L3MBTL3: variants seen among roughly 807,000 people sequenced by gnomAD.
L3MBTL3 encodes the protein L3MBTL histone methyl-lysine binding protein 3.
L3MBTL3 carries 27 observed loss-of-function variants against 102.3 expected under a neutral mutation model. The observed-to-expected ratio is 0.26, with a 90% CI of 0.19 to 0.36. The LOEUF (loss-of-function observed/expected upper bound fraction) is 0.36. Among genes scored for constraint, L3MBTL3 ranks in the 10% least tolerant of loss-of-function variants. L3MBTL3 has a pLI of 1.00. For synonymous variants in L3MBTL3, 340 were observed against 320.9 expected (o/e 1.06, Z -0.64); for missense variants, 798 against 955.3 (o/e 0.84, Z 2.17).
Position 130,075,641 on chromosome 6 carries a change from T to C in L3MBTL3, c.1245-2917T>C, listed in dbSNP as rs538364096. Among the ~76,000 whole-genome samples the C allele has an allele frequency of 9.9e-5, 15 of 152,254 alleles. No homozygotes were observed. The South Asian group carries it at 2.9e-3, about 29-fold the overall frequency. On this transcript the variant is annotated intron_variant, in intron 13 of 22. Transcript: ENST00000361794. ...TTTAGTGCTGAAGGCAAATGGATTATTGCTTAAGAGGAAGTTGACTTCTAA... is the reference window on the plus strand; with the variant it reads ...TTTAGTGCTGAAGGCAAATGGATTACTGCTTAAGAGGAAGTTGACTTCTAA...
At chr6:130,114,314 A>G (rs1785529824) in intron 19 of L3MBTL3, among the ~76,000 whole-genome samples, 1 of 152,188 alleles carries the variant, frequency 6.6e-6, no homozygotes, top group Admixed American at 6.5e-5. Flanking sequence ...TTGGAACAAT[A>G]TTGTAACAGG....
intron 22 of L3MBTL3, 32 bp from the exon 23 acceptor site, chr6:130,139,578 C>G: frequency 1.2e-6 from 2 of 1,600,366 alleles, no homozygotes; most frequent in South Asian, 2.2e-5. Context: ...TCTTGTTAAT[C>G]CACATTCTGT....
At chr6:130,122,416 C>A (rs1473023530) in intron 20 of L3MBTL3, among the ~76,000 whole-genome samples, 1 of 152,212 alleles carries the variant, frequency 6.6e-6, no homozygotes, top group East Asian at 1.9e-4. Context: ...AATCTCTGCT[C>A]TGCCACCTGC....
At chr6:130,108,659 G>T (rs891852005) in intron 19 of L3MBTL3, among the ~76,000 whole-genome samples, 11 of 151,640 alleles carry the variant, frequency 7.3e-5, no homozygotes, top group East Asian at 3.9e-4. Context: ...TTTTGGTGGG[G>T]GGAGGATTTT....
intron 18 of L3MBTL3, among the ~76,000 whole-genome samples, chr6:130,098,434 G>C (rs959532356): frequency 6.6e-6 from 1 of 152,196 alleles, no homozygotes; most frequent in African/African-American, 2.4e-5. Context: ...GGCGCTCAGA[G>C]AGAAGCGTCA....
intron 18 of L3MBTL3, among the ~76,000 whole-genome samples, chr6:130,094,999 G>A (rs1258519431): frequency 6.6e-6 from 1 of 152,120 alleles, no homozygotes; most frequent in Non-Finnish European, 1.5e-5. Context: ...TTGAGGCCAG[G>A]AGTTCGAGAT....
At chr6:130,106,096 A>G (rs1252296605) in intron 19 of L3MBTL3, among the ~76,000 whole-genome samples, 1 of 152,180 alleles carries the variant, frequency 6.6e-6, no homozygotes, top group Non-Finnish European at 1.5e-5. Context: ...CCCATTGCAC[A>G]TATTTCATGT....
chr6:130,105,621 C>CAAA (rs35147208), intron 19 of L3MBTL3, among the ~76,000 whole-genome samples: 29,205 of 122,016 alleles, frequency 0.24, 4,615 homozygotes, highest in Non-Finnish European at 0.33. Flanking sequence ...GACCCTGTCT[C>CAAA]AAAAAAAAAA....
intron 22 of L3MBTL3, among the ~76,000 whole-genome samples, chr6:130,138,626 G>T (rs1354967672): frequency 4.6e-5 from 7 of 152,124 alleles, no homozygotes; most frequent in Admixed American, 3.9e-4. Context: ...TGGGAGTCAG[G>T]ACATCAATAT....
At chr6:130,120,774 C>A (rs1350655999) in intron 19 of L3MBTL3, 105 bp from the exon 20 acceptor site, 2 of 816,856 alleles carry the variant, frequency 2.4e-6, no homozygotes, top group Non-Finnish European at 4.2e-6. Flanking sequence ...ACTTTAGTAG[C>A]ATCCTTTGGT....
chr6:130,074,336 T>C (rs142215068), intron 13 of L3MBTL3, among the ~76,000 whole-genome samples: 1 of 152,294 alleles, frequency 6.6e-6, no homozygotes, highest in Non-Finnish European at 1.5e-5. Flanking sequence ...GAAAGGAAAA[T>C]AGCATATATT....
chr6:130,081,131 A>G (rs1237753842), intron 14 of L3MBTL3, among the ~76,000 whole-genome samples: 1 of 152,212 alleles, frequency 6.6e-6, no homozygotes, highest in Non-Finnish European at 1.5e-5. Context: ...TAAAATCTTC[A>G]TGCCTTTTAA....
intron 13 of L3MBTL3, among the ~76,000 whole-genome samples, chr6:130,077,353 G>A (rs948260526): frequency 3.9e-5 from 6 of 152,082 alleles, no homozygotes; most frequent in African/African-American, 1.4e-4. Flanking sequence ...AAAAAATATA[G>A]TGATTGCAGC....
chr6:130,068,158 T>C (rs1782388323), intron 11 of L3MBTL3, among the ~76,000 whole-genome samples, 172 bp from the exon 12 acceptor site: 1 of 152,240 alleles, frequency 6.6e-6, no homozygotes, highest in African/African-American at 2.4e-5. Context: ...ATACAGTTTG[T>C]TGAAAATAAA....
intron 22 of L3MBTL3, among the ~76,000 whole-genome samples, chr6:130,136,111 C>A (rs886445797): frequency 1.3e-5 from 2 of 152,152 alleles, no homozygotes; most frequent in African/African-American, 4.8e-5. Context: ...CCCTGGTCTG[C>A]GCCACCATCC....
chr6:130,055,031 A>G, intron 7 of L3MBTL3, 140 bp from the exon 8 acceptor site: 2 of 664,556 alleles, frequency 3.0e-6, no homozygotes, highest in Non-Finnish European at 2.7e-6. Context: ...CAGATGAACT[A>G]TATTCTTACT....
intron 2 of L3MBTL3, among the ~76,000 whole-genome samples, chr6:130,026,901 A>C (rs1181875603): frequency 6.6e-6 from 1 of 152,190 alleles, no homozygotes; most frequent in Non-Finnish European, 1.5e-5. Flanking sequence ...GGATTGTAAA[A>C]GGAAAGAAGA....
Position 130,057,427 on chromosome 6 carries a change from A to G in L3MBTL3, c.689A>G (p.Lys230Arg). ...LKQGLPPKGK[K>R]AWCWASYLEE... ...TCAGGTTTGCCTCCTAAAGGAAAGA[A>G]AGCGTGGTGCTGGGCATCCTACCTG... Residue 230 changes from lysine to arginine, a missense_variant, in exon 9 of 23, where the codon AAA becomes AGA. Around this residue, in one of 4 missense-constraint regions of L3MBTL3, gnomAD observed 434 missense variants for 506.6 expected, o/e 0.86. Coordinates refer to ENST00000361794, the MANE Select transcript of L3MBTL3 (RefSeq NM_032438.4). The G allele has an allele frequency of 6.2e-7, 1 of 1,610,404 alleles. No individual in the cohort carries two copies. Among genetic ancestry groups the G allele is most frequent in the Non-Finnish European group, 8.5e-7 (1 of 1,178,884 alleles).
At position 130,065,341 on chromosome 6, in the gene L3MBTL3, A is replaced by G. The variant is rs554153849; in HGVS notation, c.865-1012A>G. ...TGTATGTATATAAATGCATATACTT[A>G]TGTATATACACATAATACACATATG... On this transcript the variant is annotated intron_variant, in intron 10 of 22. Transcript: ENST00000361794. Among the ~76,000 whole-genome samples, 4 of 152,314 alleles carry G rather than the reference A, an allele frequency of 2.6e-5. No individual in the cohort carries two copies. The South Asian group carries it at 8.3e-4, about 32-fold the overall frequency.
Sources: gnomAD v4.1 joint callset for allele counts (sites outside exome capture counted in the v4.1 genomes callset) on GRCh38, gnomAD v4.1.1 for gene constraint, gnomAD v4.1.1 regional missense constraint, MANE v1.5 for transcripts, NCBI Gene and HGNC (gene_info 2026-07-23, HGNC 2026-07-21) for gene names.